Variants in CCSER1 observed in about 807,000 individuals in gnomAD.
CCSER1 encodes serine-rich coiled-coil domain-containing protein 1.
In CCSER1, 41 loss-of-function variants were observed where a neutral mutation model predicts 82.0. The observed-to-expected ratio is 0.50, with a 90% CI of 0.39 to 0.65. The LOEUF is 0.65. Ranked by LOEUF, CCSER1 falls within the 30% of genes least tolerant of loss-of-function variation. The pLI is 0.00. For synonymous variants in CCSER1, 414 were observed against 383.9 expected (o/e 1.08, Z -0.92); for missense variants, 1,119 against 1,064.2 (o/e 1.05, Z -0.72).
chr4:91,358,839 C>T (rs1387091281), intron 10 of CCSER1, among the ~76,000 whole-genome samples: 6 of 152,128 alleles, frequency 3.9e-5, no homozygotes, highest in Non-Finnish European at 8.8e-5. Flanking sequence ...TGGATCACGT[C>T]ACTCAGGCTG....
chr4:90,671,348 G>C (rs1192753208), intron 6 of CCSER1, among the ~76,000 whole-genome samples: 1 of 151,970 alleles, frequency 6.6e-6, no homozygotes, highest in Admixed American at 6.6e-5. Context: ...CTCAAACTCT[G>C]CTGCTGCTTT....
intron 4 of CCSER1, chr4:90,404,017 A>C (rs1753329849): frequency 6.6e-6 from 1 of 152,200 alleles, no homozygotes; most frequent in Non-Finnish European, 1.5e-5. Flanking sequence ...ATGGCAAAAA[A>C]CTGTGAGTCT....
intron 8 of CCSER1, among the ~76,000 whole-genome samples, chr4:90,921,837 GTAGA>G (rs2150245049): frequency 6.6e-6 from 1 of 151,996 alleles, no homozygotes; most frequent in East Asian, 1.9e-4. Flanking sequence ...TATCTCAAAA[GTAGA>G]TAATCAAACT....
chr4:90,566,656 G>GT (rs1779421850), intron 5 of CCSER1, among the ~76,000 whole-genome samples: 1 of 149,584 alleles, frequency 6.7e-6, no homozygotes, highest in South Asian at 2.1e-4. Context: ...AGGCTGGAGT[G>GT]CAGTGGCGCA....
At chr4:91,384,457 T>A (rs1476274156) in intron 10 of CCSER1, among the ~76,000 whole-genome samples, 1 of 151,846 alleles carries the variant, frequency 6.6e-6, no homozygotes, top group East Asian at 1.9e-4. Flanking sequence ...TTGAAATGAT[T>A]TTAAACAGTC....
intron 9 of CCSER1, among the ~76,000 whole-genome samples, chr4:91,057,911 C>T (rs1743596382): frequency 6.6e-6 from 1 of 152,000 alleles, no homozygotes; most frequent in Admixed American, 6.6e-5. Flanking sequence ...ATAAGGTTAC[C>T]ATCATTACTC....
intron 5 of CCSER1, among the ~76,000 whole-genome samples, chr4:90,590,396 A>G (rs530944864): frequency 1.3e-5 from 2 of 152,266 alleles, no homozygotes; most frequent in East Asian, 1.9e-4. Context: ...CCTCACCAAC[A>G]TGGTGAAACC....
chr4:90,149,234 C>T (rs893899085), intron 1 of CCSER1, among the ~76,000 whole-genome samples: 3 of 151,874 alleles, frequency 2.0e-5, no homozygotes, highest in Non-Finnish European at 4.4e-5. Context: ...GTAAATAGCC[C>T]AAGTTCAAAG....
chr4:91,117,289 A>G (rs1437303260), intron 10 of CCSER1, among the ~76,000 whole-genome samples: 1 of 152,212 alleles, frequency 6.6e-6, no homozygotes, highest in East Asian at 1.9e-4. Context: ...GACCTTCCTG[A>G]GACATCATAG....
intron 5 of CCSER1, among the ~76,000 whole-genome samples, chr4:90,503,338 C>T (rs912848141): frequency 6.6e-6 from 1 of 152,144 alleles, no homozygotes; most frequent in Non-Finnish European, 1.5e-5. Flanking sequence ...TGTGGTCTTA[C>T]TATAAGCGAA....
intron 3 of CCSER1, among the ~76,000 whole-genome samples, chr4:90,385,364 CTTT>C (rs530190805): frequency 7.3e-6 from 1 of 136,154 alleles, no homozygotes. Context: ...ATAAGTGTTC[CTTT>C]TTTTTTTTTA....
At chr4:91,226,040 A>G (rs1034800062) in intron 10 of CCSER1, among the ~76,000 whole-genome samples, 1 of 151,998 alleles carries the variant, frequency 6.6e-6, no homozygotes, top group Non-Finnish European at 1.5e-5. Flanking sequence ...GTTTTAGGGT[A>G]CATGTACACA....
chr4:91,597,762 A>AT (rs1764651626), intron 10 of CCSER1, among the ~76,000 whole-genome samples: 1 of 145,526 alleles, frequency 6.9e-6, no homozygotes, highest in Admixed American at 7.0e-5. Flanking sequence ...TAAATCCTTC[A>AT]TTTTTTGCAT....
At chr4:91,156,975 G>C (rs963837256) in intron 10 of CCSER1, among the ~76,000 whole-genome samples, 1 of 151,790 alleles carries the variant, frequency 6.6e-6, no homozygotes, top group Non-Finnish European at 1.5e-5. Flanking sequence ...CATGTACGAC[G>C]TTACTGATGG....
chr4:90,458,249 G>T (rs1762430952), intron 4 of CCSER1, among the ~76,000 whole-genome samples: 1 of 152,126 alleles, frequency 6.6e-6, no homozygotes, highest in Non-Finnish European at 1.5e-5. Context: ...CCTGCTCCAT[G>T]GAGTGCACCG....
chr4:90,475,899 C>T (rs1392287631), intron 5 of CCSER1, among the ~76,000 whole-genome samples: 1 of 152,194 alleles, frequency 6.6e-6, no homozygotes, highest in East Asian at 1.9e-4. Context: ...CGCTACCTTT[C>T]ACCCTGGTAG....
At chr4:90,792,519 A>G (rs1045266063) in intron 7 of CCSER1, among the ~76,000 whole-genome samples, 22 of 152,124 alleles carry the variant, frequency 1.4e-4, no homozygotes, top group Admixed American at 1.0e-3. Context: ...TCTTTCTTCC[A>G]GGAGGATGGC....
intron 7 of CCSER1, among the ~76,000 whole-genome samples, chr4:90,728,411 A>G (rs569184486): frequency 3.3e-5 from 5 of 152,162 alleles, no homozygotes; most frequent in Non-Finnish European, 7.3e-5. Context: ...TCTTTGATGT[A>G]CTTTTTAGGA....
intron 10 of CCSER1, among the ~76,000 whole-genome samples, chr4:91,441,630 G>A (rs1404034048): frequency 6.6e-6 from 1 of 152,142 alleles, no homozygotes; most frequent in African/African-American, 2.4e-5. Context: ...GGGCAGTTAG[G>A]CAGGAGAAGG....
Sources: gnomAD v4.1 joint callset for allele counts (sites outside exome capture counted in the v4.1 genomes callset) on GRCh38, gnomAD v4.1.1 for gene constraint, MANE v1.5 for transcripts, NCBI Gene and HGNC (gene_info 2026-07-23, HGNC 2026-07-21) for gene names.